BLK: variants seen among roughly 807,000 people sequenced by gnomAD.
The protein encoded by BLK is tyrosine-protein kinase Blk.
In BLK, 64 loss-of-function variants were observed where a neutral mutation model predicts 61.8. The ratio of observed to expected loss-of-function variants is 1.03; its 90% CI spans 0.85 to 1.27. The LOEUF (loss-of-function observed/expected upper bound fraction) is 1.27, where lower values mean the gene tolerates loss of function less well. Among genes scored for constraint, BLK ranks in the 50% most tolerant of loss-of-function variants. BLK has a pLI of 0.00. For missense variants in BLK, 853 were observed against 660.5 expected (o/e 1.29, Z -3.19); for synonymous variants, 351 against 272.0 (o/e 1.29, Z -2.86).
At chr8:11,558,602 C>G (rs1015019213) in intron 10 of BLK, 10 of 453,652 alleles carry the variant, frequency 2.2e-5, no homozygotes, top group Non-Finnish European at 4.4e-5. Context: ...ATTGCGAGTG[C>G]TGGACCTCCT....
chr8:11,539,555 GGAC>G (rs1800281145), intron 1 of BLK, among the ~76,000 whole-genome samples: 1 of 151,904 alleles, frequency 6.6e-6, no homozygotes, highest in Non-Finnish European at 1.5e-5. Flanking sequence ...GTCCAGAGTG[GGAC>G]TGAAAATCAA....
chr8:11,522,991 G>T (rs1433840077), intron 1 of BLK, among the ~76,000 whole-genome samples: 1 of 152,158 alleles, frequency 6.6e-6, no homozygotes, highest in African/African-American at 2.4e-5. Context: ...AGGAAAAAAA[G>T]AGAAGGAAGA....
intron 10 of BLK, among the ~76,000 whole-genome samples, chr8:11,559,324 GACTCACACACACACGGACAAACACAA>G (rs1801370737): frequency 7.9e-6 from 1 of 126,454 alleles, no homozygotes; most frequent in Non-Finnish European, 1.9e-5. Context: ...TAAAAACACA[GACTCACACACACACGGACAAACACAA>G]ACACATACAC....
chr8:11,525,574 A>G (rs1799621915), intron 1 of BLK, among the ~76,000 whole-genome samples: 1 of 152,150 alleles, frequency 6.6e-6, no homozygotes, highest in Admixed American at 6.5e-5. Flanking sequence ...TTATTTACCT[A>G]TCTATTCATT....
chr8:11,520,174 A>G (rs770411861), intron 1 of BLK, among the ~76,000 whole-genome samples: 5 of 152,192 alleles, frequency 3.3e-5, no homozygotes, highest in Non-Finnish European at 7.3e-5. Context: ...TGAAAAGACA[A>G]CTTAGCATTA....
intron 10 of BLK, chr8:11,559,744 CT>C: frequency 2.2e-6 from 1 of 456,274 alleles, no homozygotes; most frequent in Non-Finnish European, 4.4e-6. Flanking sequence ...CTCGCCACCC[CT>C]CTACCTCCTC....
intron 1 of BLK, among the ~76,000 whole-genome samples, chr8:11,500,587 C>T (rs937854909): frequency 3.3e-5 from 5 of 151,844 alleles, no homozygotes; most frequent in African/African-American, 7.3e-5. Context: ...GTAATCATGG[C>T]TCACTGCAGC....
intron 1 of BLK, among the ~76,000 whole-genome samples, chr8:11,497,446 C>G (rs925911664): frequency 1.3e-5 from 2 of 152,144 alleles, no homozygotes; most frequent in Non-Finnish European, 2.9e-5. Context: ...AGTCACAGTG[C>G]CCAAGCCCAT....
intron 1 of BLK, among the ~76,000 whole-genome samples, chr8:11,541,247 A>G (rs1313041644): frequency 6.6e-6 from 1 of 152,246 alleles, no homozygotes; most frequent in Non-Finnish European, 1.5e-5. Flanking sequence ...CAGCGTAGGC[A>G]ACAGAGTGAG....
chr8:11,557,923 C>T, intron 9 of BLK, 39 bp from the exon 10 acceptor site: 1 of 1,599,278 alleles, frequency 6.3e-7, no homozygotes, highest in Non-Finnish European at 8.6e-7. Flanking sequence ...AGGGGCGGGT[C>T]ACTTTGCAGA....
In BLK at chr8:11,543,357, T is replaced by A; in HGVS notation, c.123+10T>A. On this transcript the variant is annotated intron_variant, in intron 2 of 12. Transcript: ENST00000259089. ...GCCACTGCCGCCCCTGGTGAGTGAT[T>A]GCCCACCCCCACCAAGAGCAGATTA... The A allele has an allele frequency of 6.2e-7, 1 of 1,612,508 alleles. No homozygotes were observed. Among genetic ancestry groups the A allele is most frequent in the African/African-American group, 1.3e-5 (1 of 75,044 alleles).
At chr8:11,511,555 A>G (rs1160087674) in intron 1 of BLK, among the ~76,000 whole-genome samples, 1 of 152,214 alleles carries the variant, frequency 6.6e-6, no homozygotes, top group African/African-American at 2.4e-5. Context: ...AAATTTCCTT[A>G]AACACAAGTG....
intron 1 of BLK, among the ~76,000 whole-genome samples, chr8:11,531,650 C>T (rs1184887384): frequency 6.6e-6 from 1 of 152,108 alleles, no homozygotes; most frequent in Admixed American, 6.5e-5. Flanking sequence ...TTTTTGGTTT[C>T]TTTAAGTTTC....
intron 1 of BLK, among the ~76,000 whole-genome samples, chr8:11,496,433 G>C (rs1345850465): frequency 1.3e-5 from 2 of 152,108 alleles, no homozygotes; most frequent in Admixed American, 6.5e-5. Context: ...TGAAGAGATG[G>C]GGTCTCGCTT....
intron 1 of BLK, among the ~76,000 whole-genome samples, chr8:11,504,522 G>T (rs1158024600): frequency 6.6e-6 from 1 of 152,162 alleles, no homozygotes; most frequent in African/African-American, 2.4e-5. Context: ...AGAAGTAGGC[G>T]CCTTCAGAAG....
intron 1 of BLK, among the ~76,000 whole-genome samples, chr8:11,504,734 T>C (rs2618467): frequency 0.85 from 130,010 of 152,278 alleles, 55,770 homozygotes; most frequent in Admixed American, 0.9. Context: ...TGCCCCCTGT[T>C]CCCACCCTTG....
chr8:11,526,793 C>T (rs537860123), intron 1 of BLK, among the ~76,000 whole-genome samples: 2 of 151,566 alleles, frequency 1.3e-5, no homozygotes, highest in South Asian at 2.1e-4. Context: ...TAGGTTAGTA[C>T]TCAAAACTTT....
rs564964151 is a variant in BLK, at chr8:11,564,456, C to G, written c.*348C>G. 1,529 of 553,140 alleles carry G rather than the reference C, an allele frequency of 2.8e-3. 33 individuals carry two copies. The highest frequency in any genetic ancestry group is 0.022 in the South Asian group (1,464 of 65,384). The allele number at this position is 553,140 out of a possible 1,614,324, so 34.3% of individuals were successfully genotyped here. A position where few individuals can be genotyped will look rare whatever the true frequency, so the allele number is the denominator to read the frequency against. On this transcript the variant is annotated 3_prime_UTR_variant, in exon 13 of 13. Transcript: ENST00000259089. Reference sequence around the variant, plus strand: ...GGGCACCCCCCGTGCTGGCCGCGTCCCCGCCTCTGCGCCCTGCGTGGACCC... The same window carrying G: ...GGGCACCCCCCGTGCTGGCCGCGTCGCCGCCTCTGCGCCCTGCGTGGACCC...
In BLK at chr8:11,556,645, C is replaced by A. The variant is rs571216731; in HGVS notation, c.773-13C>A. On this transcript the variant is annotated splice_polypyrimidine_tract_variant and intron_variant, in intron 8 of 12. Coordinates refer to ENST00000259089, the MANE Select transcript of BLK (RefSeq NM_001715.3). ...CTGTCTTCTGATTGGCTTCTTCACT[C>A]CCCCGGGCTCAGGTTACTACAAAAA... 9 of 1,613,978 alleles carry A rather than the reference C, an allele frequency of 5.6e-6. No individual in the cohort carries two copies. The highest frequency in any genetic ancestry group is 4.5e-5 in the East Asian group (2 of 44,866).
Sources: allele counts gnomAD v4.1 joint callset (sites outside exome capture counted in the v4.1 genomes callset), GRCh38; gene constraint gnomAD v4.1.1; transcripts MANE v1.5; gene names NCBI Gene and HGNC (gene_info 2026-07-23, HGNC 2026-07-21).